Variants in EYS observed in about 807,000 individuals in gnomAD.
The protein encoded by EYS is protein eyes shut homolog.
EYS carries 250 observed loss-of-function variants against 282.1 expected under a neutral mutation model. The observed-to-expected ratio is 0.89, with a 90% CI of 0.80 to 0.98. EYS has a LOEUF of 0.98. Among genes scored for constraint, EYS ranks in the 50% least tolerant of loss-of-function variants. EYS has a pLI of 0.00. For synonymous variants in EYS, 1,355 were observed against 1,282.9 expected, an observed-to-expected ratio of 1.06 and a Z score of -1.20; for missense variants, 4,016 against 3,709.0, an observed-to-expected ratio of 1.08 and a Z score of -2.15.
chr6:64,602,639 A>C (rs1018634637), intron 24 of EYS, among the ~76,000 whole-genome samples: 1 of 152,126 alleles, frequency 6.6e-6, no homozygotes, highest in African/African-American at 2.4e-5. Flanking sequence ...GCTGAAGATG[A>C]GCTCAAAAGA....
At chr6:64,517,378 G>A (rs553033040) in intron 26 of EYS, among the ~76,000 whole-genome samples, 2 of 151,954 alleles carry the variant, frequency 1.3e-5, no homozygotes, top group African/African-American at 4.8e-5. Context: ...TAAGCAATAG[G>A]CAGTGGGTAG....
chr6:65,076,029 T>A (rs1464318603), intron 12 of EYS, among the ~76,000 whole-genome samples: 1 of 151,958 alleles, frequency 6.6e-6, no homozygotes. Context: ...AGGAAGTTAC[T>A]TTACAGTCCA....
intron 18 of EYS, among the ~76,000 whole-genome samples, chr6:64,892,458 G>A (rs1216356665): frequency 6.6e-6 from 1 of 151,790 alleles, no homozygotes; most frequent in East Asian, 1.9e-4. Flanking sequence ...GAAACCACTG[G>A]TGAAACTTTC....
chr6:64,608,142 T>C (rs566732236), intron 24 of EYS, among the ~76,000 whole-genome samples: 1 of 152,288 alleles, frequency 6.6e-6, no homozygotes, highest in Admixed American at 6.5e-5. Context: ...AAAATTCTTG[T>C]GCTTAGTTGT....
chr6:64,438,842 C>G (rs959830664), intron 27 of EYS, among the ~76,000 whole-genome samples: 1 of 151,380 alleles, frequency 6.6e-6, no homozygotes, highest in East Asian at 1.9e-4. Context: ...AAAATAGAGA[C>G]CTTTTGAGCA....
chr6:64,360,299 A>G (rs1473480280), intron 29 of EYS, among the ~76,000 whole-genome samples: 1 of 151,670 alleles, frequency 6.6e-6, no homozygotes, highest in Non-Finnish European at 1.5e-5. Flanking sequence ...CTAACTTCAC[A>G]TATTTTTCCA....
rs114935186 is a variant in EYS, at chr6:65,532,307, T to C, written c.-332-36314A>G. Among the ~76,000 whole-genome samples the C allele has an allele frequency of 3.2e-3, 485 of 152,270 alleles. 3 individuals carry two copies. Among genetic ancestry groups the C allele is most frequent in the African/African-American group, 0.011 (461 of 41,570 alleles). ...TGGTACGTATTTTAAAGCCTTCATA[T>C]TTCTATTCAATCTGAATGATCTCAA... is the stretch of plus-strand genomic sequence containing the variant. On this transcript the variant is annotated intron_variant, in intron 2 of 42. Transcript: ENST00000503581.
intron 31 of EYS, among the ~76,000 whole-genome samples, chr6:64,129,845 A>G (rs1215834383): frequency 2.0e-5 from 3 of 152,192 alleles, no homozygotes; most frequent in Non-Finnish European, 2.9e-5. Flanking sequence ...AGCTTTCTAC[A>G]TATGGCTAGC....
At chr6:64,413,182 C>G (rs1333477934) in intron 28 of EYS, among the ~76,000 whole-genome samples, 1 of 152,082 alleles carries the variant, frequency 6.6e-6, no homozygotes, top group Non-Finnish European at 1.5e-5. Context: ...CCCCTCTACT[C>G]TGCCATAGTT....
At chr6:65,201,278 CTTAG>C (rs1765893756) in intron 12 of EYS, among the ~76,000 whole-genome samples, 1 of 152,122 alleles carries the variant, frequency 6.6e-6, no homozygotes. Context: ...AAATTATTGA[CTTAG>C]TATGTTAACA....
intron 9 of EYS, among the ~76,000 whole-genome samples, chr6:65,350,724 G>A (rs1243894086): frequency 6.6e-6 from 1 of 151,560 alleles, no homozygotes; most frequent in Non-Finnish European, 1.5e-5. Context: ...GAACATAGAT[G>A]ATGACATTGA....
chr6:64,389,533 T>C (rs1198781736), intron 28 of EYS, among the ~76,000 whole-genome samples: 2 of 152,224 alleles, frequency 1.3e-5, no homozygotes, highest in Non-Finnish European at 2.9e-5. Context: ...CATCTCTAAG[T>C]AAATAAACTT....
chr6:65,524,604 T>G (rs985288278), intron 2 of EYS, among the ~76,000 whole-genome samples: 1 of 152,188 alleles, frequency 6.6e-6, no homozygotes, highest in Non-Finnish European at 1.5e-5. Flanking sequence ...AACCACTTAC[T>G]TCAGGTTGAT....
In EYS at chr6:64,865,754, C is replaced by G. The variant is rs1400809503; in HGVS notation, c.2992+20943G>C. 3.3e-5 allele frequency among the ~76,000 whole-genome samples: 5 copies of G among 152,068 alleles called. No individual in the cohort carries two copies. In the East Asian group the frequency reaches 9.7e-4, roughly 29 times the overall value. On this transcript the variant is annotated intron_variant, in intron 19 of 42. Transcript: ENST00000503581. ...AGAAACACAGATATCTGTTGGGAATCTAGATTTTAGGACTCAATGAAGGAT... is the reference window on the plus strand; with the variant it reads ...AGAAACACAGATATCTGTTGGGAATGTAGATTTTAGGACTCAATGAAGGAT...
At chr6:63,923,987 T>C (rs1399235191) in intron 35 of EYS, among the ~76,000 whole-genome samples, 1 of 152,114 alleles carries the variant, frequency 6.6e-6, no homozygotes, top group Non-Finnish European at 1.5e-5. Flanking sequence ...AAATAACCAG[T>C]CAAATGGTTC....
Position 65,011,059 on chromosome 6 carries a change from G to C in EYS, c.2138-13356C>G, listed in dbSNP as rs1198333181. Among the ~76,000 whole-genome samples, 4 of 152,178 alleles carry C rather than the reference G, an allele frequency of 2.6e-5. No individual in the cohort carries two copies. The East Asian group carries it at 7.7e-4, about 29-fold the overall frequency. ...GGGGTAATCCCCTCCGGGAAACCAA[G>C]CCCCAATACTCAGCAGGAGAAGTAG... On this transcript the variant is annotated intron_variant, in intron 13 of 42. Coordinates refer to ENST00000503581, the MANE Select transcript of EYS (RefSeq NM_001142800.2).
chr6:65,322,714 G>A (rs1442481202), intron 11 of EYS, among the ~76,000 whole-genome samples: 5 of 149,656 alleles, frequency 3.3e-5, no homozygotes, highest in African/African-American at 4.9e-5. Context: ...AGAATCACTT[G>A]AATCCAGGAG....
intron 24 of EYS, among the ~76,000 whole-genome samples, chr6:64,603,434 C>A (rs1766824122): frequency 6.6e-6 from 1 of 151,938 alleles, no homozygotes; most frequent in Non-Finnish European, 1.5e-5. Flanking sequence ...CCTGGAAAAC[C>A]TCTGTTGCCT....
chr6:65,401,645 A>C (rs1766502132), intron 7 of EYS, among the ~76,000 whole-genome samples: 1 of 151,788 alleles, frequency 6.6e-6, no homozygotes, highest in African/African-American at 2.4e-5. Context: ...CAAAAGGTTA[A>C]TTTAAAAAAA....
Sources: allele counts gnomAD v4.1 joint callset (sites outside exome capture counted in the v4.1 genomes callset), GRCh38; gene constraint gnomAD v4.1.1; transcripts MANE v1.5; gene names NCBI Gene and HGNC (gene_info 2026-07-23, HGNC 2026-07-21).